Variants in CYP3A5 observed in about 807,000 individuals in gnomAD.
CYP3A5 encodes the protein cytochrome P450 3A5.
A neutral mutation model predicts 55.9 loss-of-function variants in CYP3A5; 51 were observed. The observed-to-expected ratio is 0.91, with a 90% confidence interval of 0.73 to 1.15. The LOEUF (loss-of-function observed/expected upper bound fraction) is 1.15, where lower values mean the gene tolerates loss of function less well. Among genes scored for constraint, CYP3A5 ranks in the 50% most tolerant of loss-of-function variants. CYP3A5 has a pLI of 0.00. For synonymous variants in CYP3A5, 196 were observed against 213.9 expected, an observed-to-expected ratio of 0.92 and a Z score of 0.73; for missense variants, 533 against 596.6, an observed-to-expected ratio of 0.89 and a Z score of 1.11.
intron 4 of CYP3A5, among the ~76,000 whole-genome samples, chr7:99,668,560 G>A (rs1260152054): frequency 2.0e-5 from 3 of 152,208 alleles, no homozygotes; most frequent in Non-Finnish European, 4.4e-5. Flanking sequence ...GAATGGAAAG[G>A]GGTAATCAGA....
chr7:99,660,639 C>G lies in CYP3A5; in HGVS notation c.886G>C (p.Ala296Pro). ...AAAATGAAGATTATTGACTGGGCTG[C>G]GAGCTCCAGATCAGACAGAGCTGAA... ...SHKALSDLEL[A>P]AQSIIFIFAG... Residue 296 changes from alanine (A) to proline (P), a missense_variant, in exon 10 of 13, where the codon GCA becomes CCA. Ala to Pro is a conservative substitution (Grantham distance 27). Coordinates refer to ENST00000222982, the MANE Select transcript of CYP3A5 (RefSeq NM_000777.5). 6.2e-7 allele frequency: 1 copy of G among 1,613,566 alleles called. No homozygotes were observed.
intron 3 of CYP3A5, 188 bp downstream of exon 3, chr7:99,674,345 G>A: frequency 2.1e-6 from 1 of 474,882 alleles, no homozygotes; most frequent in South Asian, 5.0e-5. Flanking sequence ...GTTTATAACG[G>A]CAAGCAGATT....
chr7:99,650,175 TC>T lies in CYP3A5; in HGVS notation c.1310del (p.Gly437AspfsTer8), dbSNP rs1334963896. 6.2e-7 allele frequency: 1 copy of T among 1,614,122 alleles called. No individual in the cohort carries two copies. The highest frequency in any genetic ancestry group is 8.5e-7 in the Non-Finnish European group (1 of 1,179,976). Reference sequence around the variant, plus strand: ...ACCTCATGCCAATGCAGTTTCTGGGTCCAGTTCCAAAGGGTGTGTATATGTA... The same window carrying T: ...ACCTCATGCCAATGCAGTTTCTGGGTCAGTTCCAAAGGGTGTGTATATGTA... ...DPYIYTPFGT[G>X]PRNCIGMRFA... On this transcript the variant is annotated frameshift_variant, in exon 12 of 13. Transcript: ENST00000222982. LOFTEE classifies it high-confidence loss of function.
At chr7:99,666,560 C>G (rs367573792) in intron 6 of CYP3A5, 41 bp downstream of exon 6, 1 of 1,597,480 alleles carries the variant, frequency 6.3e-7, no homozygotes, top group Non-Finnish European at 8.6e-7. Context: ...GCTGGAAGGG[C>G]TCATGACAGC....
rs765322100 is a variant in CYP3A5, at chr7:99,665,256, C to T, written c.580G>A (p.Asp194Asn). 7 of 1,613,974 alleles carry T rather than the reference C, an allele frequency of 4.3e-6. No homozygotes were observed. The highest frequency in any genetic ancestry group is 2.7e-5 in the African/African-American group (2 of 74,894). ...ITGTSFGVNI[D>N]SLNNPQDPFV... ...GGGTCTTGTGGATTGTTGAGAGAGT[C>T]GATGTTCACTCCAAATGATGTGCCA... Residue 194 changes from aspartate (D) to asparagine (N), a missense_variant, in exon 7 of 13, where the codon GAC becomes AAC. Coordinates refer to ENST00000222982, the MANE Select transcript of CYP3A5 (RefSeq NM_000777.5).
intron 3 of CYP3A5, chr7:99,672,963 G>A: frequency 8.9e-7 from 1 of 1,121,440 alleles, no homozygotes; most frequent in Non-Finnish European, 1.1e-6. Context: ...AGAAATGACA[G>A]TAGAGCATTC....
chr7:99,664,846 G>A (rs746084271), intron 7 of CYP3A5, among the ~76,000 whole-genome samples: 1 of 152,046 alleles, frequency 6.6e-6, no homozygotes, highest in Non-Finnish European at 1.5e-5. Flanking sequence ...ATGAAATAGA[G>A]AATAAAAAAC....
At position 99,665,308 on chromosome 7, in the gene CYP3A5, A is replaced by G. The variant is rs1312208326; in HGVS notation, c.528T>C (p.Phe176=). Residue 176 remains phenylalanine (F), a synonymous_variant, in exon 7 of 13, where the codon TTT becomes TTC. Coordinates refer to ENST00000222982, the MANE Select transcript of CYP3A5 (RefSeq NM_000777.5). ...KGKPVTLKDI[F]GAYSMDVITG... is the part of the protein sequence containing the mutation. ...TAATCACATCCATGCTGTAGGCCCC[A>G]AAGATGCTGAGTGGAGAAAGATATG... 2 of 1,614,032 alleles carry G rather than the reference A, an allele frequency of 1.2e-6. No individual in the cohort carries two copies. The highest frequency in any genetic ancestry group is 1.7e-5 in the Admixed American group (1 of 60,010).
At chr7:99,649,390 A>G (rs1363422482) in intron 12 of CYP3A5, among the ~76,000 whole-genome samples, 1 of 152,212 alleles carries the variant, frequency 6.6e-6, no homozygotes, top group Non-Finnish European at 1.5e-5. Context: ...TGAATCAATG[A>G]CATCTGTTCT....
intron 10 of CYP3A5, 58 bp from the exon 11 acceptor site, chr7:99,652,837 G>A (rs1809327293): frequency 7.8e-7 from 1 of 1,284,876 alleles, no homozygotes; most frequent in Admixed American, 1.8e-5. Flanking sequence ...TCTCAACTGA[G>A]TCCATGCAGT....
At chr7:99,670,957 G>C (rs1811550897) in intron 4 of CYP3A5, 1 of 152,150 alleles carries the variant, frequency 6.6e-6, no homozygotes, top group Non-Finnish European at 1.5e-5. Context: ...AGTTTAGCTA[G>C]ATATGTACAT....
intron 8 of CYP3A5, 186 bp from the exon 9 acceptor site, chr7:99,663,068 G>C: frequency 7.5e-7 from 1 of 1,329,942 alleles, no homozygotes; most frequent in East Asian, 3.1e-5. Context: ...AAAGCAGGAT[G>C]TTTTCCTGAA....
rs28383478 is a variant in CYP3A5 at position 99,662,784 on chromosome 7, G to A, written c.865+32C>T. On this transcript the variant is annotated intron_variant, in intron 9 of 12. Transcript: ENST00000222982. This position sits in a 1 kb window ranked among gnomAD's most constrained non-coding sequence, Gnocchi z 4.3. The stretch of plus-strand genomic sequence containing the variant: ...CAAGGCCCTCCCTCTTAGTGTCCCC[G>A]CCAGTAGCCCTCAGAAGCACTCCTT... 1.2e-3 allele frequency: 1,933 copies of A among 1,593,164 alleles called. 3 individuals are homozygous for A. Among genetic ancestry groups the A allele is most frequent in the Middle Eastern group, 6.3e-3 (38 of 6,018 alleles).
intron 6 of CYP3A5, 26 bp from the exon 7 acceptor site, chr7:99,665,340 T>G (rs1810896595): frequency 1.2e-5 from 20 of 1,613,616 alleles, no homozygotes; most frequent in Non-Finnish European, 1.7e-5. Context: ...TATGGAAAAT[T>G]AAAATCAGCA....
intron 6 of CYP3A5, among the ~76,000 whole-genome samples, chr7:99,665,812 C>G (rs143970980): frequency 7.2e-4 from 110 of 152,326 alleles, no homozygotes; most frequent in African/African-American, 2.5e-3. Context: ...CCTTTATTCT[C>G]TACACTCCCT....
At chr7:99,655,191 C>T (rs542675580) in intron 10 of CYP3A5, among the ~76,000 whole-genome samples, 9 of 152,140 alleles carry the variant, frequency 5.9e-5, no homozygotes, top group African/African-American at 2.2e-4. Context: ...AGGTTTTCTT[C>T]TAGGGTTTTT....
rs1301672268 is a variant in CYP3A5, at chr7:99,653,326, C to G, written c.1027-547G>C. Among the ~76,000 whole-genome samples, 2 of 152,106 alleles carry G rather than the reference C, an allele frequency of 1.3e-5. No individual in the cohort carries two copies. Among genetic ancestry groups the G allele is most frequent in the Non-Finnish European group, 2.9e-5 (2 of 68,012 alleles). On this transcript the variant is annotated intron_variant, in intron 10 of 12. Transcript: ENST00000222982. This position sits in a 1 kb window ranked among gnomAD's most constrained non-coding sequence, Gnocchi z 4.2. ...ACTAGCTGGGTGTGGTGGCGTGTGCCTGTAGTTCCAGCTACTCAGGAGACA... is the reference window on the plus strand; with the variant it reads ...ACTAGCTGGGTGTGGTGGCGTGTGCGTGTAGTTCCAGCTACTCAGGAGACA...
intron 10 of CYP3A5, among the ~76,000 whole-genome samples, chr7:99,655,253 G>C (rs1420898904): frequency 6.6e-6 from 1 of 152,130 alleles, no homozygotes; most frequent in African/African-American, 2.4e-5. Flanking sequence ...ATTAATTTTT[G>C]TATAAGGTGT....
At chr7:99,660,246 ACTTAGC>A in intron 10 of CYP3A5, 1 of 234,056 alleles carries the variant, frequency 4.3e-6, no homozygotes, top group Non-Finnish European at 5.0e-6. Context: ...TTTTTTTTTT[ACTTAGC>A]ATTATTGTGA....
Sources: allele counts gnomAD v4.1 joint callset (sites outside exome capture counted in the v4.1 genomes callset), GRCh38; gene constraint gnomAD v4.1.1; non-coding constraint Gnocchi (gnomAD v3.1); transcripts MANE v1.5; gene names NCBI Gene and HGNC (gene_info 2026-07-23, HGNC 2026-07-21).